The following HSD17B11 variants were observed in gnomAD, a reference collection of about 807,000 sequenced individuals.
The protein encoded by HSD17B11 is hydroxysteroid 17-beta dehydrogenase 11, also known as estradiol 17-beta-dehydrogenase 11.
A neutral mutation model predicts 27.8 loss-of-function variants in HSD17B11; 22 were observed. The observed-to-expected ratio is 0.79, with a 90% CI of 0.56 to 1.13. The LOEUF is 1.13. HSD17B11 is among the 50% of genes most tolerant of loss of function. The pLI, the probability that HSD17B11 is intolerant of heterozygous loss-of-function variation, is 0.00. For missense variants in HSD17B11, 314 were observed against 351.1 expected (o/e 0.89, Z 0.84); for synonymous variants, 117 against 132.8 (o/e 0.88, Z 0.82).
chr4:87,378,736 T>C (rs1365761341), intron 2 of HSD17B11, among the ~76,000 whole-genome samples: 3 of 141,908 alleles, frequency 2.1e-5, no homozygotes, highest in Non-Finnish European at 4.5e-5. Context: ...AGTTCGATTA[T>C]TTTAATTTTT....
intron 4 of HSD17B11, among the ~76,000 whole-genome samples, chr4:87,365,505 C>T (rs1267026528): frequency 6.6e-6 from 1 of 152,112 alleles, no homozygotes; most frequent in Non-Finnish European, 1.5e-5. Flanking sequence ...ACTTTAAAGC[C>T]ATCAGATTCT....
intron 4 of HSD17B11, among the ~76,000 whole-genome samples, chr4:87,366,713 T>C (rs528925615): frequency 2.6e-5 from 4 of 152,230 alleles, no homozygotes; most frequent in Non-Finnish European, 5.9e-5. Context: ...CACAGACAGT[T>C]GTTGTCTTGT....
At chr4:87,357,948 AATTTTTTTTT>A (rs1229097019) in intron 4 of HSD17B11, among the ~76,000 whole-genome samples, 20 of 97,392 alleles carry the variant, frequency 2.1e-4, no homozygotes, top group East Asian at 7.0e-4. Flanking sequence ...TCATTAGAGA[AATTTTTTTTT>A]TTTTTTTTTT....
chr4:87,374,779 C>G lies in HSD17B11; in HGVS notation c.370G>C (p.Val124Leu), dbSNP rs758489451. 70 of 1,593,788 alleles carry G rather than the reference C, an allele frequency of 4.4e-5. No individual in the cohort carries two copies. The highest frequency in any genetic ancestry group is 5.9e-5 in the Non-Finnish European group (69 of 1,168,494). Residue 124 changes from valine (V) to leucine (L), a missense_variant, in exon 3 of 7, where the codon GTC becomes CTC. By Grantham distance (32) the Val-to-Leu change is conservative (BLOSUM62 1). Coordinates refer to ENST00000358290, the MANE Select transcript of HSD17B11 (RefSeq NM_016245.5). ...VSILVNNAGVVYTSDLFATQD... is the reference protein window; with the variant it reads ...VSILVNNAGVLYTSDLFATQD... ...GTAGCAAACAAATCTGATGTATAGA[C>G]TACACCAGCATTATTTACTAAAATA...
At chr4:87,378,561 C>A (rs1719967624) in intron 2 of HSD17B11, among the ~76,000 whole-genome samples, 1 of 150,706 alleles carries the variant, frequency 6.6e-6, no homozygotes, top group Non-Finnish European at 1.5e-5. Flanking sequence ...ACAAAAAATT[C>A]TTTATGGCTG....
At chr4:87,381,281 A>G (rs1427361388) in intron 2 of HSD17B11, among the ~76,000 whole-genome samples, 1 of 152,028 alleles carries the variant, frequency 6.6e-6, no homozygotes, top group African/African-American at 2.4e-5. Context: ...TACTGCACTG[A>G]ATTAGAATAT....
intron 6 of HSD17B11, among the ~76,000 whole-genome samples, 193 bp from the exon 7 acceptor site, chr4:87,337,559 G>T (rs1735076426): frequency 6.6e-6 from 1 of 152,046 alleles, no homozygotes; most frequent in African/African-American, 2.4e-5. Flanking sequence ...GGAAAAGAAG[G>T]CTTAGCCTTC....
rs534065362 is a variant in HSD17B11 at position 87,386,138 on chromosome 4, T to C, written c.211-3776A>G. ...TTCTTTCACATCCGCTGTCTCACTTTTGCCCTGTTTCCTTGGTCTTCCTCA... is the reference window on the plus strand; with the variant it reads ...TTCTTTCACATCCGCTGTCTCACTTCTGCCCTGTTTCCTTGGTCTTCCTCA... On this transcript the variant is annotated intron_variant, in intron 1 of 6. Transcript: ENST00000358290. 3.9e-5 allele frequency among the ~76,000 whole-genome samples: 6 copies of C among 152,258 alleles called. No individual in the cohort carries two copies. In the South Asian group the frequency reaches 1.2e-3, roughly 32 times the overall value.
At chr4:87,367,270 T>C (rs1362870021) in intron 4 of HSD17B11, among the ~76,000 whole-genome samples, 4 of 152,184 alleles carry the variant, frequency 2.6e-5, no homozygotes, top group Non-Finnish European at 4.4e-5. Context: ...AAAAGCCCTA[T>C]GGGAAACTGG....
intron 3 of HSD17B11, chr4:87,373,322 A>AGAGT: frequency 6.7e-6 from 1 of 149,432 alleles, no homozygotes; most frequent in African/African-American, 2.5e-5. Flanking sequence ...CCTGGGTGAC[A>AGAGT]GAGTGAGACT....
chr4:87,367,354 A>T (rs1328609391), intron 4 of HSD17B11, among the ~76,000 whole-genome samples: 1 of 152,170 alleles, frequency 6.6e-6, no homozygotes, highest in East Asian at 1.9e-4. Flanking sequence ...ACTTTCTTAC[A>T]GGTCCAGGAG....
chr4:87,359,372 G>A (rs1464335784), intron 4 of HSD17B11, among the ~76,000 whole-genome samples: 1 of 152,178 alleles, frequency 6.6e-6, no homozygotes, highest in East Asian at 1.9e-4. Flanking sequence ...GATGCATTTT[G>A]GAGTTTTTTG....
At chr4:87,381,192 A>C (rs1720157464) in intron 2 of HSD17B11, among the ~76,000 whole-genome samples, 3 of 77,798 alleles carry the variant, frequency 3.9e-5, no homozygotes, top group Non-Finnish European at 6.1e-5. Flanking sequence ...ATTTCAAAAA[A>C]AAAAAAAAAA....
intron 1 of HSD17B11, among the ~76,000 whole-genome samples, chr4:87,385,027 A>C (rs1056461561): frequency 6.6e-6 from 1 of 152,134 alleles, no homozygotes; most frequent in Non-Finnish European, 1.5e-5. Context: ...AATAGAAAGA[A>C]GCTACATTGA....
intron 1 of HSD17B11, among the ~76,000 whole-genome samples, chr4:87,382,963 A>G (rs7677036): frequency 0.34 from 51,397 of 152,078 alleles, 9,574 homozygotes; most frequent in African/African-American, 0.47. Context: ...TGATAATAAA[A>G]GATTGAATAT....
At chr4:87,354,926 G>T (rs1735353166) in intron 5 of HSD17B11, among the ~76,000 whole-genome samples, 1 of 129,914 alleles carries the variant, frequency 7.7e-6, no homozygotes, top group African/African-American at 3.0e-5. Context: ...ACCAGCCTGG[G>T]CAAACAGCAA....
At chr4:87,361,727 G>A (rs1017730747) in intron 4 of HSD17B11, among the ~76,000 whole-genome samples, 3 of 152,078 alleles carry the variant, frequency 2.0e-5, no homozygotes, top group Admixed American at 6.6e-5. Context: ...AGATCGCGCC[G>A]CTGCACTCCA....
At chr4:87,357,967 T>A (rs1344122551) in intron 4 of HSD17B11, among the ~76,000 whole-genome samples, 39 of 117,724 alleles carry the variant, frequency 3.3e-4, no homozygotes, top group African/African-American at 1.4e-3. Flanking sequence ...TTTTTTTTTT[T>A]TTTTTTTTTT....
At position 87,376,794 on chromosome 4, in the gene HSD17B11, G is replaced by A. The variant is rs554203908; in HGVS notation, c.319-1964C>T. Among the ~76,000 whole-genome samples, 4 of 152,260 alleles carry A rather than the reference G, an allele frequency of 2.6e-5. No individual in the cohort carries two copies. The South Asian group carries it at 8.3e-4, about 32-fold the overall frequency. Reference sequence around the variant, plus strand: ...GAGGAAATATAAACAAAAGAACAAGGCTAGCTGCTAAGAGCAATAGAAGGC... The same window carrying A: ...GAGGAAATATAAACAAAAGAACAAGACTAGCTGCTAAGAGCAATAGAAGGC... On this transcript the variant is annotated intron_variant, in intron 2 of 6. Transcript: ENST00000358290.
Sources: gnomAD v4.1 joint callset for allele counts (sites outside exome capture counted in the v4.1 genomes callset) on GRCh38, gnomAD v4.1.1 for gene constraint, MANE v1.5 for transcripts, NCBI Gene and HGNC (gene_info 2026-07-23, HGNC 2026-07-21) for gene names.